Variants in CGNL1 observed in about 807,000 individuals in gnomAD.
CGNL1 encodes the protein cingulin-like protein 1.
A neutral mutation model predicts 141.2 loss-of-function variants in CGNL1; 132 were observed. The observed-to-expected ratio is 0.93, with a 90% CI of 0.81 to 1.08. The LOEUF (loss-of-function observed/expected upper bound fraction) is 1.08, where lower values mean the gene tolerates loss of function less well. CGNL1 is among the 50% of genes least tolerant of loss of function. The pLI, the probability that CGNL1 is intolerant of heterozygous loss-of-function variation, is 0.00. For synonymous variants in CGNL1, 690 were observed against 622.1 expected (o/e 1.11, Z -1.63); for missense variants, 1,870 against 1,588.6 (o/e 1.18, Z -3.01).
chr15:57,524,721 C>A lies in CGNL1; in HGVS notation c.3009C>A (p.Ser1003=), dbSNP rs374931083. 1.9e-6 allele frequency: 3 copies of A among 1,614,100 alleles called. No individual in the cohort carries two copies. Among genetic ancestry groups the A allele is most frequent in the Non-Finnish European group, 2.5e-6 (3 of 1,179,992 alleles). ...AGAAAACGCTGGAGGCAGAAAAGTC[C>A]CGACTGACAGCCATGAAAATGCAGG... The part of the protein sequence containing the change: ...LKEKTLEAEK[S]RLTAMKMQDE... Residue 1003 remains serine, a synonymous_variant, in exon 12 of 19, where the codon TCC becomes TCA. Coordinates refer to ENST00000281282, the MANE Select transcript of CGNL1 (RefSeq NM_032866.5).
At chr15:57,453,085 G>T (rs919260128) in intron 6 of CGNL1, among the ~76,000 whole-genome samples, 2 of 152,162 alleles carry the variant, frequency 1.3e-5, no homozygotes, top group Non-Finnish European at 2.9e-5. Flanking sequence ...TGTGAGTTTG[G>T]TTCAGGACAG....
At chr15:57,409,787 G>T (rs2062765466) in intron 1 of CGNL1, among the ~76,000 whole-genome samples, 1 of 152,108 alleles carries the variant, frequency 6.6e-6, no homozygotes, top group South Asian at 2.1e-4. Flanking sequence ...AAGAATAGAA[G>T]TTCTAAGTTG....
chr15:57,465,228 T>C (rs1344126849), intron 8 of CGNL1, among the ~76,000 whole-genome samples: 1 of 152,118 alleles, frequency 6.6e-6, no homozygotes, highest in Non-Finnish European at 1.5e-5. Flanking sequence ...TATTATAGAA[T>C]AGAACATTAA....
intron 1 of CGNL1, among the ~76,000 whole-genome samples, chr15:57,436,615 G>T (rs933581000): frequency 1.4e-4 from 22 of 152,010 alleles, no homozygotes; most frequent in African/African-American, 5.1e-4. Flanking sequence ...TGTGATTAAA[G>T]AATGAAAATA....
chr15:57,378,431 G>C (rs1300821696), intron 1 of CGNL1, among the ~76,000 whole-genome samples: 1 of 130,876 alleles, frequency 7.6e-6, no homozygotes, highest in East Asian at 2.6e-4. Context: ...GCCCAGGCTG[G>C]AGTGCAATGG....
chr15:57,544,092 A>T (rs187160950), intron 15 of CGNL1, among the ~76,000 whole-genome samples: 2,347 of 152,290 alleles, frequency 0.015, 67 homozygotes, highest in African/African-American at 0.054. Flanking sequence ...TCATCGGGTC[A>T]TTATTTCTTT....
At chr15:57,547,267 A>T in intron 18 of CGNL1, 88 bp from the exon 19 acceptor site, 1 of 1,463,368 alleles carries the variant, frequency 6.8e-7, no homozygotes, top group Non-Finnish European at 9.3e-7. Flanking sequence ...GGGTGCAGGG[A>T]CAGCAACCCA....
chr15:57,416,670 A>G (rs2062852997), intron 1 of CGNL1, among the ~76,000 whole-genome samples: 1 of 152,176 alleles, frequency 6.6e-6, no homozygotes, highest in Non-Finnish European at 1.5e-5. Flanking sequence ...GCTGGGGTGC[A>G]CACACAGATG....
At chr15:57,472,149 T>A (rs1368322656) in intron 8 of CGNL1, among the ~76,000 whole-genome samples, 1 of 152,074 alleles carries the variant, frequency 6.6e-6, no homozygotes, top group Non-Finnish European at 1.5e-5. Flanking sequence ...AGAAAAAGTT[T>A]CCTTGAGGAA....
rs1242988234 is a variant in CGNL1, at chr15:57,464,417, C to T, written c.2403+2525C>T. ...AAATAAAATAACATAGACCAATACA[C>T]CCCATATGCAAGTCAAGAGCCTGTG... On this transcript the variant is annotated intron_variant, in intron 8 of 18. Coordinates refer to ENST00000281282, the MANE Select transcript of CGNL1 (RefSeq NM_032866.5). 3.9e-5 allele frequency among the ~76,000 whole-genome samples: 6 copies of T among 152,166 alleles called. No individual in the cohort carries two copies. In the South Asian group the frequency reaches 1.2e-3, roughly 32 times the overall value.
intron 8 of CGNL1, among the ~76,000 whole-genome samples, chr15:57,484,712 C>T (rs1028713039): frequency 1.3e-5 from 2 of 152,132 alleles, no homozygotes; most frequent in Non-Finnish European, 2.9e-5. Context: ...AGCTTCCTCC[C>T]CTTACCCCCC....
intron 8 of CGNL1, among the ~76,000 whole-genome samples, chr15:57,503,646 A>C (rs1482357134): frequency 6.6e-6 from 1 of 152,180 alleles, no homozygotes; most frequent in Non-Finnish European, 1.5e-5. Context: ...GACATACCTG[A>C]AGCTGGGAAG....
chr15:57,496,912 G>A (rs2152384270), intron 8 of CGNL1, among the ~76,000 whole-genome samples: 1 of 152,298 alleles, frequency 6.6e-6, no homozygotes, highest in East Asian at 1.9e-4. Flanking sequence ...ACTCAGAGAG[G>A]GGAGAAGAGC....
chr15:57,444,138 C>A (rs2063223833), intron 4 of CGNL1, among the ~76,000 whole-genome samples: 2 of 152,178 alleles, frequency 1.3e-5, no homozygotes, highest in Non-Finnish European at 2.9e-5. Context: ...TAATCATATC[C>A]TGACTTCTAT....
In CGNL1 at chr15:57,447,775, A is replaced by G. The variant is rs894125299; in HGVS notation, c.1804-3725A>G. Among the ~76,000 whole-genome samples, 14 of 150,230 alleles carry G rather than the reference A, an allele frequency of 9.3e-5. No homozygotes were observed. The South Asian group carries it at 2.6e-3, about 27-fold the overall frequency. Reference sequence around the variant, plus strand: ...CTTAGAAATTTTGATGGTGTTCCTCATATCTCTTGTGCTCTATTCTCTCTC... The same window carrying G: ...CTTAGAAATTTTGATGGTGTTCCTCGTATCTCTTGTGCTCTATTCTCTCTC... On this transcript the variant is annotated intron_variant, in intron 4 of 18. Transcript: ENST00000281282.
At chr15:57,503,847 G>C (rs12185112) in intron 8 of CGNL1, among the ~76,000 whole-genome samples, 49,639 of 151,980 alleles carry the variant, frequency 0.33, 8,692 homozygotes, top group Middle Eastern at 0.4. Flanking sequence ...GGATGGGAAA[G>C]ACTGGCCCCC....
rs10593466 is a variant in CGNL1, at chr15:57,529,559, A to AACACACACACACACACAC, written c.3201+777_3201+794dup. Among the ~76,000 whole-genome samples the AACACACACACACACACAC allele has an allele frequency of 8.5e-4, 117 of 138,006 alleles. 1 individual carries two copies. The highest frequency in any genetic ancestry group is 2.4e-3 in the East Asian group (11 of 4,656). 90.5% of individuals were successfully genotyped at this position (138,006 alleles called of 152,430 possible). A position where few individuals can be genotyped will look rare whatever the true frequency, so the allele number is the denominator to read the frequency against. ...CTTAGGAGCAAAACTAACCCCCAGA[A>AACACACACACACACACAC]ACACACACACACACACACACACACA... On this transcript the variant is annotated intron_variant, in intron 13 of 18. Transcript: ENST00000281282.
chr15:57,478,538 G>A (rs2063685464), intron 8 of CGNL1, among the ~76,000 whole-genome samples: 1 of 152,158 alleles, frequency 6.6e-6, no homozygotes, highest in African/African-American at 2.4e-5. Context: ...GCCTGCTCCA[G>A]AGCAGTGATT....
rs536448939 is a variant in CGNL1, at chr15:57,547,729, G to A, written c.*239G>A. On this transcript the variant is annotated 3_prime_UTR_variant, in exon 19 of 19. Coordinates refer to ENST00000281282, the MANE Select transcript of CGNL1 (RefSeq NM_032866.5). Reference sequence around the variant, plus strand: ...GGACCAGGAGCCACCACCCACTGGGGTGTTGTGAGAGATACACTTTGGTAG... The same window carrying A: ...GGACCAGGAGCCACCACCCACTGGGATGTTGTGAGAGATACACTTTGGTAG... The A allele has an allele frequency of 4.1e-6, 2 of 485,658 alleles. No homozygotes were observed. The highest frequency in any genetic ancestry group is 2.0e-5 in the African/African-American group (1 of 51,014). 30.1% of individuals were successfully genotyped at this position (485,658 alleles called of 1,614,324 possible).
Sources: allele counts gnomAD v4.1 joint callset (sites outside exome capture counted in the v4.1 genomes callset), GRCh38; gene constraint gnomAD v4.1.1; transcripts MANE v1.5; gene names NCBI Gene and HGNC (gene_info 2026-07-23, HGNC 2026-07-21).